The following CCPG1 variants were observed in gnomAD, a reference collection of about 807,000 sequenced individuals.
CCPG1 encodes the protein cell cycle progression protein 1.
A neutral mutation model predicts 81.3 loss-of-function variants in CCPG1; 46 were observed. The ratio of observed to expected loss-of-function variants is 0.57; its 90% CI spans 0.45 to 0.72. The LOEUF (loss-of-function observed/expected upper bound fraction) is 0.72. Among genes scored for constraint, CCPG1 ranks in the 30% least tolerant of loss-of-function variants. CCPG1 has a pLI of 0.00. For synonymous variants in CCPG1, 330 were observed against 305.2 expected (o/e 1.08, Z -0.85); for missense variants, 902 against 937.6 (o/e 0.96, Z 0.50).
chr15:55,358,688 C>T (rs2056130978), intron 8 of CCPG1: 2 of 985,292 alleles, frequency 2.0e-6, no homozygotes, highest in Non-Finnish European at 2.4e-6. Flanking sequence ...CTGAGGCCAC[C>T]ATGCCCCATA....
intron 7 of CCPG1, among the ~76,000 whole-genome samples, chr15:55,361,704 C>CAA (rs11371667): frequency 1.1e-4 from 16 of 139,652 alleles, no homozygotes; most frequent in African/African-American, 2.6e-4. Context: ...GACTCTGTCT[C>CAA]AAAAAAAAAA....
chr15:55,375,618 T>G (rs1355296269), intron 5 of CCPG1, among the ~76,000 whole-genome samples: 1 of 152,162 alleles, frequency 6.6e-6, no homozygotes, highest in African/African-American at 2.4e-5. Flanking sequence ...CACGTTCATG[T>G]TTATAGGCAA....
chr15:55,365,133 C>A, intron 7 of CCPG1, 55 bp downstream of exon 7: 1 of 1,093,460 alleles, frequency 9.1e-7, no homozygotes, highest in South Asian at 1.5e-5. Flanking sequence ...TAAGCTCTAA[C>A]TAATAAGCAA....
At chr15:55,398,843 G>A (rs1216064702) in intron 1 of CCPG1, among the ~76,000 whole-genome samples, 1 of 152,166 alleles carries the variant, frequency 6.6e-6, no homozygotes, top group African/African-American at 2.4e-5. Flanking sequence ...GCCTCCCAAA[G>A]TGCTGGGATT....
intron 1 of CCPG1, among the ~76,000 whole-genome samples, chr15:55,395,039 C>T (rs144905749): frequency 1.4e-4 from 21 of 152,190 alleles, no homozygotes; most frequent in Non-Finnish European, 3.1e-4. Context: ...CTCCCATGTC[C>T]TTGGCTGCAG....
At chr15:55,405,677 G>A (rs2057204691) in intron 1 of CCPG1, among the ~76,000 whole-genome samples, 1 of 152,150 alleles carries the variant, frequency 6.6e-6, no homozygotes, top group South Asian at 2.1e-4. Context: ...CTCCAGACTA[G>A]GTGACAGAGC....
Position 55,365,204 on chromosome 15 carries a change from G to C in CCPG1, c.812C>G (p.Ser271Cys). ...YLSQCQQEQESFIDYKSLKEN... is the reference protein window; with the variant it reads ...YLSQCQQEQECFIDYKSLKEN... ...GGTACATACCTTATAATCTATAAAA[G>C]ATTCTTGTTCCTGTTGACACTGGGA... Residue 271 changes from serine (S) to cysteine (C), a missense_variant, in exon 7 of 9, where the codon TCT (serine) becomes TGT (cysteine). Around this residue, in one of 3 missense-constraint regions of CCPG1, gnomAD observed 746 missense variants for 728.6 expected, o/e 1.02. Coordinates refer to ENST00000442196, the MANE Select transcript of CCPG1 (RefSeq NM_001204450.2). The C allele has an allele frequency of 6.8e-7, 1 of 1,461,174 alleles. No individual in the cohort carries two copies. The highest frequency in any genetic ancestry group is 2.3e-5 in the East Asian group (1 of 43,740). 90.5% of individuals were successfully genotyped at this position (1,461,174 alleles called of 1,614,324 possible).
At chr15:55,389,068 C>CAAAAAAAAAAAAAAAAAAAAAAAAAAAA in intron 2 of CCPG1, among the ~76,000 whole-genome samples, 1 of 56,268 alleles carries the variant, frequency 1.8e-5, no homozygotes, top group Non-Finnish European at 3.3e-5. Context: ...GACTCTGTCT[C>CAAAAAAAAAAAAAAAAAAAAAAAAAAAA]AAAAAAAAAA....
intron 1 of CCPG1, among the ~76,000 whole-genome samples, chr15:55,398,444 T>C (rs533651484): frequency 6.6e-6 from 1 of 152,210 alleles, no homozygotes; most frequent in East Asian, 1.9e-4. Context: ...AGCGAGTCAG[T>C]CTGGAGTGCT....
rs552104866 is a variant in CCPG1, at chr15:55,402,365, C to T, written c.-10+5856G>A. The stretch of plus-strand genomic sequence containing the variant: ...ACCTCAGCCTCCTGAGTAATTGGGA[C>T]TACAGGTACACACCACCAAGTCAGG... On this transcript the variant is annotated intron_variant, in intron 1 of 8. Transcript: ENST00000442196. Among the ~76,000 whole-genome samples the T allele has an allele frequency of 2.0e-5, 3 of 152,178 alleles. No homozygotes were observed. In the South Asian group the frequency reaches 6.2e-4, roughly 32 times the overall value.
At chr15:55,369,628 G>C (rs2056406952) in intron 6 of CCPG1, among the ~76,000 whole-genome samples, 1 of 151,960 alleles carries the variant, frequency 6.6e-6, no homozygotes, top group African/African-American at 2.4e-5. Context: ...TCATTACTAT[G>C]TAGGCCTACT....
chr15:55,360,424 C>G lies in CCPG1; in HGVS notation c.1349G>C (p.Arg450Thr). Residue 450 changes from arginine (R) to threonine (T), a missense_variant, in exon 8 of 9, where the codon AGA becomes ACA. By Grantham distance (71) the Arg-to-Thr change is moderately conservative. Around this residue, in one of 3 missense-constraint regions of CCPG1, gnomAD observed 746 missense variants for 728.6 expected, o/e 1.02. Transcript: ENST00000442196. Reference sequence around the variant, plus strand: ...TTGATCTTTTGCCTCAACATACAATCTTTCCCACAAATCAGAACGCTGCTG... The same window carrying G: ...TTGATCTTTTGCCTCAACATACAATGTTTCCCACAAATCAGAACGCTGCTG... ...FEQQRSDLWE[R>T]LYVEAKDQNG... 6.2e-7 allele frequency: 1 copy of G among 1,613,866 alleles called. No homozygotes were observed. The highest frequency in any genetic ancestry group is 1.1e-5 in the South Asian group (1 of 91,088).
intron 6 of CCPG1, among the ~76,000 whole-genome samples, chr15:55,369,852 G>A (rs1422438723): frequency 1.3e-5 from 2 of 151,984 alleles, no homozygotes; most frequent in Non-Finnish European, 2.9e-5. Context: ...AATGCAATTT[G>A]GATTAACACT....
At chr15:55,373,554 C>G (rs1159309015) in intron 5 of CCPG1, among the ~76,000 whole-genome samples, 1 of 152,154 alleles carries the variant, frequency 6.6e-6, no homozygotes, top group Non-Finnish European at 1.5e-5. Flanking sequence ...ACTGAGAGAT[C>G]TTTTTGGTCA....
chr15:55,384,151 T>C (rs1028302029), intron 3 of CCPG1, among the ~76,000 whole-genome samples: 1 of 152,092 alleles, frequency 6.6e-6, no homozygotes, highest in African/African-American at 2.4e-5. Flanking sequence ...GATTTCAATA[T>C]TGTTGTTGTC....
intron 1 of CCPG1, among the ~76,000 whole-genome samples, chr15:55,396,475 C>T (rs2057019409): frequency 6.6e-6 from 1 of 152,190 alleles, no homozygotes; most frequent in African/African-American, 2.4e-5. Context: ...GCAGGTTTCT[C>T]AAGTGTTTAA....
intron 1 of CCPG1, chr15:55,398,280 G>C (rs2057060610): frequency 6.6e-6 from 1 of 152,034 alleles, no homozygotes; most frequent in African/African-American, 2.4e-5. Context: ...AAAAAGGTGA[G>C]GTTTCCATTA....
chr15:55,401,347 T>C (rs2057125283), intron 1 of CCPG1, among the ~76,000 whole-genome samples: 1 of 152,156 alleles, frequency 6.6e-6, no homozygotes, highest in South Asian at 2.1e-4. Flanking sequence ...ACAGTGCCAT[T>C]TTTCAACCTT....
rs556520221 is a variant in CCPG1 at position 55,377,496 on chromosome 15, C to T, written c.253-346G>A. ...GAGCACAACTCTGTAGTGTGGAAGC[C>T]CAAAAAAGACTCACTGAACTTTTTA... On this transcript the variant is annotated intron_variant, in intron 4 of 8. Coordinates refer to ENST00000442196, the MANE Select transcript of CCPG1 (RefSeq NM_001204450.2). Among the ~76,000 whole-genome samples, 6 of 152,172 alleles carry T rather than the reference C, an allele frequency of 3.9e-5. No homozygotes were observed. In the South Asian group the frequency reaches 1.0e-3, roughly 26 times the overall value.
Sources: gnomAD v4.1 joint callset for allele counts (sites outside exome capture counted in the v4.1 genomes callset) on GRCh38, gnomAD v4.1.1 for gene constraint, gnomAD v4.1.1 regional missense constraint, MANE v1.5 for transcripts, NCBI Gene and HGNC (gene_info 2026-07-23, HGNC 2026-07-21) for gene names.